RYK: variants seen among roughly 807,000 people sequenced by gnomAD.
RYK encodes inactive tyrosine-protein kinase RYK.
A neutral mutation model predicts 70.2 loss-of-function variants in RYK; 21 were observed. The observed-to-expected ratio is 0.30, with a 90% CI of 0.21 to 0.43. The LOEUF is 0.43. RYK is among the 20% of genes least tolerant of loss of function. RYK has a pLI of 1.00. For synonymous variants in RYK, 267 were observed against 278.0 expected (o/e 0.96, Z 0.39); for missense variants, 604 against 753.3 (o/e 0.80, Z 2.32).
chr3:134,189,790 A>C (rs1017209916), intron 8 of RYK, among the ~76,000 whole-genome samples: 1 of 151,502 alleles, frequency 6.6e-6, no homozygotes, highest in African/African-American at 2.4e-5. Context: ...TAGTAATAAG[A>C]GAAGTTAGTT....
chr3:134,197,946 C>T (rs1011162819), intron 6 of RYK, among the ~76,000 whole-genome samples: 1 of 152,162 alleles, frequency 6.6e-6, no homozygotes, highest in Admixed American at 6.5e-5. Context: ...TTTTCATTCC[C>T]TCAACAGATA....
intron 13 of RYK, among the ~76,000 whole-genome samples, chr3:134,167,317 G>T (rs1328660136): frequency 6.6e-6 from 1 of 152,148 alleles, no homozygotes; most frequent in African/African-American, 2.4e-5. Flanking sequence ...AACAAAGCTG[G>T]AGGTATCATG....
At chr3:134,183,668 A>G (rs2013374024) in intron 9 of RYK, among the ~76,000 whole-genome samples, 2 of 152,230 alleles carry the variant, frequency 1.3e-5, no homozygotes, top group African/African-American at 2.4e-5. Flanking sequence ...AAATGCAGAT[A>G]TACCTTCCAT....
chr3:134,209,925 T>C, intron 3 of RYK, 96 bp from the exon 4 acceptor site: 1 of 1,004,308 alleles, frequency 1.0e-6, no homozygotes, highest in Non-Finnish European at 1.4e-6. Flanking sequence ...ATTACTTATT[T>C]TTGCTGCAAG....
chr3:134,213,781 T>A (rs1241066939), intron 2 of RYK, among the ~76,000 whole-genome samples: 1 of 152,112 alleles, frequency 6.6e-6, no homozygotes, highest in African/African-American at 2.4e-5. Flanking sequence ...CATGCCCTCA[T>A]GCAAATCCCC....
chr3:134,191,907 C>T lies in RYK; in HGVS notation c.957G>A (p.Lys319=). ...RSVTLLEAKG[K]VKDIAISRER... ...CTCTGGATATTGCTATATCCTTCAC[C>T]TTGCCTTTGGCCTCCAAAAGAGTGA... The change falls in exon 8 of 15, where the codon AAG becomes AAA. Residue 319 remains lysine (K), a synonymous_variant. Coordinates refer to ENST00000623711, the MANE Select transcript of RYK (RefSeq NM_002958.4). 6.2e-7 allele frequency: 1 copy of T among 1,613,138 alleles called. No homozygotes were observed. The highest frequency in any genetic ancestry group is 8.5e-7 in the Non-Finnish European group (1 of 1,179,348).
At chr3:134,247,043 C>G (rs1039920081) in intron 1 of RYK, among the ~76,000 whole-genome samples, 2 of 151,278 alleles carry the variant, frequency 1.3e-5, no homozygotes, top group East Asian at 3.9e-4. Flanking sequence ...GGGAACACAG[C>G]CAAAGATAAA....
chr3:134,201,847 A>T (rs1375349129), intron 6 of RYK, among the ~76,000 whole-genome samples: 1 of 152,210 alleles, frequency 6.6e-6, no homozygotes, highest in African/African-American at 2.4e-5. Context: ...AAGCTGGGGC[A>T]TGTCTTCAGG....
Position 134,195,114 on chromosome 3 carries a change from G to A in RYK, c.857C>T (p.Ala286Val), listed in dbSNP as rs773630873. 1 of 1,613,406 alleles carries A rather than the reference G, an allele frequency of 6.2e-7. No homozygotes were observed. Among genetic ancestry groups the A allele is most frequent in the East Asian group, 2.2e-5 (1 of 44,872 alleles). Residue 286 changes from alanine (A) to valine (V), a missense_variant, in exon 7 of 15, where the codon GCA becomes GTA. By Grantham distance (64) the Ala-to-Val change is moderately conservative. Transcript: ENST00000623711. The part of the protein sequence containing the change: ...PSTQTTQYLR[A>V]DTPNNATPIT... ...AGGAGTTGCATTGTTGGGCGTGTCTGCTCTCAGATACTGAGTCGTCTGGGT... is the reference window on the plus strand; with the variant it reads ...AGGAGTTGCATTGTTGGGCGTGTCTACTCTCAGATACTGAGTCGTCTGGGT...
intron 1 of RYK, among the ~76,000 whole-genome samples, chr3:134,239,472 A>G (rs879700898): frequency 1.3e-5 from 2 of 151,928 alleles, no homozygotes; most frequent in Admixed American, 6.6e-5. Context: ...AAAAAGGGGG[A>G]AAAAAAAGAA....
At chr3:134,176,077 C>G (rs1323961835) in intron 11 of RYK, 38 bp from the exon 12 acceptor site, 2 of 1,196,882 alleles carry the variant, frequency 1.7e-6, no homozygotes, top group Non-Finnish European at 1.2e-6. Flanking sequence ...GCAAATAGCA[C>G]ACAAATATGA....
In RYK at chr3:134,221,156, C is replaced by T. The variant is rs544317198; in HGVS notation, c.354+1262G>A. On this transcript the variant is annotated intron_variant, in intron 2 of 14. Transcript: ENST00000623711. Reference sequence around the variant, plus strand: ...AGTTATACCAAACTATAAACAATTACTTCTGAGTATAGAACTACAAAGTCT... The same window carrying T: ...AGTTATACCAAACTATAAACAATTATTTCTGAGTATAGAACTACAAAGTCT... Among the ~76,000 whole-genome samples, 124 of 147,132 alleles carry T rather than the reference C, an allele frequency of 8.4e-4. 1 individual carries two copies. The highest frequency in any genetic ancestry group is 3.0e-3 in the African/African-American group (119 of 39,556).
chr3:134,248,782 G>C (rs1239973308), intron 1 of RYK, among the ~76,000 whole-genome samples: 1 of 152,104 alleles, frequency 6.6e-6, no homozygotes, highest in Non-Finnish European at 1.5e-5. Context: ...TGGGTGACAA[G>C]AGCGAGACTC....
At chr3:134,164,688 T>C (rs1018108599) in intron 13 of RYK, among the ~76,000 whole-genome samples, 1 of 152,278 alleles carries the variant, frequency 6.6e-6, no homozygotes, top group Non-Finnish European at 1.5e-5. Flanking sequence ...GCCTTAGCTA[T>C]TAAAAATAAA....
intron 1 of RYK, among the ~76,000 whole-genome samples, chr3:134,246,218 C>A (rs762397115): frequency 1.3e-5 from 2 of 148,568 alleles, no homozygotes; most frequent in Non-Finnish European, 3.0e-5. Context: ...CAAAGAAATA[C>A]GTAAGACATG....
At chr3:134,249,358 CAA>C (rs2015547075) in intron 1 of RYK, among the ~76,000 whole-genome samples, 1 of 152,076 alleles carries the variant, frequency 6.6e-6, no homozygotes. Flanking sequence ...CACACCTCAA[CAA>C]AGTCTTATTA....
chr3:134,202,669 C>T (rs2014062078), intron 6 of RYK, 61 bp downstream of exon 6: 1 of 1,479,598 alleles, frequency 6.8e-7, no homozygotes, highest in Non-Finnish European at 9.3e-7. Flanking sequence ...TGTGTATGGG[C>T]TCCCACATAT....
At chr3:134,213,512 C>T (rs1029406812) in intron 2 of RYK, among the ~76,000 whole-genome samples, 1 of 151,036 alleles carries the variant, frequency 6.6e-6, no homozygotes, top group African/African-American at 2.4e-5. Context: ...CTGACACAAA[C>T]CCTCCTGGGT....
chr3:134,236,943 A>G (rs2015212405), intron 1 of RYK, among the ~76,000 whole-genome samples: 1 of 152,200 alleles, frequency 6.6e-6, no homozygotes, highest in Non-Finnish European at 1.5e-5. Flanking sequence ...GTTCAGTTAC[A>G]TTAACCAGAC....
Sources: allele counts gnomAD v4.1 joint callset (sites outside exome capture counted in the v4.1 genomes callset), GRCh38; gene constraint gnomAD v4.1.1; transcripts MANE v1.5; gene names NCBI Gene and HGNC (gene_info 2026-07-23, HGNC 2026-07-21).